Variants in ROBO1 observed in about 807,000 individuals in gnomAD.
The protein encoded by ROBO1 is roundabout homolog 1.
Under a neutral mutation model 195.9 loss-of-function variants are expected in ROBO1, and 149 were observed. The ratio of observed to expected loss-of-function variants is 0.76; its 90% confidence interval spans 0.67 to 0.87. ROBO1 has a LOEUF of 0.87. Ranked by LOEUF, ROBO1 falls within the 40% of genes least tolerant of loss-of-function variation. The pLI, the probability that ROBO1 is intolerant of heterozygous loss-of-function variation, is 0.00. For missense variants in ROBO1, 1,933 were observed against 2,068.3 expected, an observed-to-expected ratio of 0.93 and a Z score of 1.27; for synonymous variants, 816 against 733.2, an observed-to-expected ratio of 1.11 and a Z score of -1.82.
chr3:79,387,193 A>G (rs2036782253), intron 2 of ROBO1, among the ~76,000 whole-genome samples: 3 of 152,154 alleles, frequency 2.0e-5, no homozygotes, highest in Admixed American at 6.5e-5. Flanking sequence ...ATGTGCATGA[A>G]AAGATTCTTA....
At chr3:78,629,158 G>A (rs1705011779) in intron 25 of ROBO1, among the ~76,000 whole-genome samples, 2 of 152,156 alleles carry the variant, frequency 1.3e-5, no homozygotes, top group African/African-American at 2.4e-5. Context: ...GTGGTCCCAT[G>A]TCCATAAAAC....
intron 3 of ROBO1, among the ~76,000 whole-genome samples, chr3:79,027,247 T>G (rs2078218958): frequency 6.6e-6 from 1 of 152,228 alleles, no homozygotes; most frequent in Non-Finnish European, 1.5e-5. Context: ...ATTTAGATGT[T>G]ATTTTTGGAG....
intron 2 of ROBO1, among the ~76,000 whole-genome samples, chr3:79,350,963 G>A (rs2035318287): frequency 6.6e-6 from 1 of 152,078 alleles, no homozygotes; most frequent in African/African-American, 2.4e-5. Context: ...CCAAGTAGCT[G>A]TGACTACAGT....
intron 1 of ROBO1, among the ~76,000 whole-genome samples, chr3:79,593,137 G>A (rs977750036): frequency 6.6e-5 from 10 of 151,768 alleles, no homozygotes; most frequent in African/African-American, 2.2e-4. Context: ...GATGTACCAC[G>A]GTTTATTTAT....
intron 4 of ROBO1, among the ~76,000 whole-genome samples, chr3:78,778,426 T>G (rs906258063): frequency 3.9e-5 from 6 of 152,152 alleles, no homozygotes; most frequent in African/African-American, 1.4e-4. Flanking sequence ...CTCCTCTTTG[T>G]ACCTCTGGTA....
At chr3:79,537,154 A>G (rs9848827) in intron 2 of ROBO1, among the ~76,000 whole-genome samples, 99,740 of 151,180 alleles carry the variant, frequency 0.66, 32,876 homozygotes, top group African/African-American at 0.68. Flanking sequence ...AAAGATACAG[A>G]GAACCTGAGA....
At chr3:78,609,193 T>A (rs964624646) in intron 28 of ROBO1, among the ~76,000 whole-genome samples, 2 of 152,168 alleles carry the variant, frequency 1.3e-5, no homozygotes, top group African/African-American at 4.8e-5. Flanking sequence ...AGATTTTAAA[T>A]TAAAAAAATA....
Position 79,737,939 on chromosome 3 carries a change from C to T in ROBO1, c.-51+29813G>A, listed in dbSNP as rs141668864. On this transcript the variant is annotated intron_variant, in intron 1 of 30. Transcript: ENST00000464233. ...CACCTATCTTCACATCTTATTCCCT[C>T]TAACTTCCATACTCCCGCTGGAAAC... 5.7e-3 allele frequency among the ~76,000 whole-genome samples: 862 copies of T among 152,260 alleles called. 7 individuals are homozygous for T. The highest frequency in any genetic ancestry group is 0.018 in the African/African-American group (746 of 41,560).
At chr3:79,043,015 T>C (rs2078517404) in intron 3 of ROBO1, among the ~76,000 whole-genome samples, 1 of 152,148 alleles carries the variant, frequency 6.6e-6, no homozygotes, top group Non-Finnish European at 1.5e-5. Context: ...TGTAATTCTT[T>C]TACTCCTATC....
At chr3:79,114,091 C>T (rs1231144595) in intron 3 of ROBO1, among the ~76,000 whole-genome samples, 1 of 152,114 alleles carries the variant, frequency 6.6e-6, no homozygotes, top group Non-Finnish European at 1.5e-5. Flanking sequence ...TCTTTCCTGC[C>T]TTCATGTAAG....
chr3:79,016,681 A>G (rs1316361421), intron 3 of ROBO1, among the ~76,000 whole-genome samples: 1 of 152,178 alleles, frequency 6.6e-6, no homozygotes. Context: ...AAAATGTTCC[A>G]ACATATACAA....
chr3:79,324,696 G>A (rs575124959), intron 2 of ROBO1, among the ~76,000 whole-genome samples: 4 of 152,270 alleles, frequency 2.6e-5, no homozygotes, highest in South Asian at 4.1e-4. Context: ...GAACTCAAGA[G>A]AGAACAGACC....
chr3:78,961,721 A>G (rs1203360134), intron 3 of ROBO1, among the ~76,000 whole-genome samples: 2 of 152,248 alleles, frequency 1.3e-5, no homozygotes, highest in Admixed American at 1.3e-4. Context: ...GTGAACCACT[A>G]AACTATAATG....
At chr3:78,908,160 T>C (rs557742611) in intron 4 of ROBO1, among the ~76,000 whole-genome samples, 1 of 152,102 alleles carries the variant, frequency 6.6e-6, no homozygotes, top group Non-Finnish European at 1.5e-5. Context: ...GAATTAACAT[T>C]CAACAAAAAA....
At chr3:79,449,893 T>C (rs2039386088) in intron 2 of ROBO1, among the ~76,000 whole-genome samples, 1 of 152,106 alleles carries the variant, frequency 6.6e-6, no homozygotes, top group Admixed American at 6.5e-5. Flanking sequence ...TCATATAGAA[T>C]ATAATTATCA....
At chr3:79,248,503 G>A (rs2082666344) in intron 2 of ROBO1, among the ~76,000 whole-genome samples, 1 of 151,708 alleles carries the variant, frequency 6.6e-6, no homozygotes, top group Non-Finnish European at 1.5e-5. Context: ...GCTTCATGCA[G>A]AATAAATACG....
chr3:78,814,978 G>T (rs2108645667), intron 4 of ROBO1, among the ~76,000 whole-genome samples: 1 of 152,202 alleles, frequency 6.6e-6, no homozygotes, highest in South Asian at 2.1e-4. Context: ...TCTGTGATCA[G>T]TGTTCTTTGA....
intron 2 of ROBO1, among the ~76,000 whole-genome samples, chr3:79,354,362 A>C (rs2035463206): frequency 6.6e-6 from 1 of 152,118 alleles, no homozygotes; most frequent in Admixed American, 6.5e-5. Context: ...CCATCATCTT[A>C]TCTCAATCAA....
chr3:79,146,172 C>G (rs2080645176), intron 2 of ROBO1, among the ~76,000 whole-genome samples: 1 of 151,704 alleles, frequency 6.6e-6, no homozygotes, highest in African/African-American at 2.4e-5. Context: ...CCTAAATATA[C>G]AAAGGCAATT....
Sources: gnomAD v4.1 joint callset for allele counts (sites outside exome capture counted in the v4.1 genomes callset) on GRCh38, gnomAD v4.1.1 for gene constraint, MANE v1.5 for transcripts, NCBI Gene and HGNC (gene_info 2026-07-23, HGNC 2026-07-21) for gene names.